The following PRH1 variants were observed in gnomAD, a reference collection of about 807,000 sequenced individuals.
The protein encoded by PRH1 is salivary acidic proline-rich phosphoprotein 1/2.
PRH1 carries 7 observed loss-of-function variants against 7.9 expected under a neutral mutation model. That is an observed-to-expected ratio of 0.89 (90% CI 0.50 to 1.67). The LOEUF (loss-of-function observed/expected upper bound fraction) is 1.67. Among genes scored for constraint, PRH1 ranks in the 40% most tolerant of loss-of-function variants. The probability of loss-of-function intolerance (pLI) is 0.00; values close to 1 mark genes in which losing one functional copy is unlikely to be tolerated. For missense variants in PRH1, 109 were observed against 223.6 expected (o/e 0.49, Z 3.27); for synonymous variants, 45 against 80.8 (o/e 0.56, Z 2.38).
intron 1 of PRH1, among the ~76,000 whole-genome samples, chr12:11,028,189 A>C (rs144720112): frequency 6.6e-6 from 1 of 152,336 alleles, no homozygotes; most frequent in East Asian, 1.9e-4. Flanking sequence ...GGACTGGATG[A>C]TGTAAGACAG....
intron 2 of PRH1, among the ~76,000 whole-genome samples, chr12:10,971,290 T>C (rs752726833): frequency 6.6e-6 from 1 of 152,220 alleles, no homozygotes; most frequent in Non-Finnish European, 1.5e-5. Context: ...GTATTAAAGA[T>C]ATATTTTTGA....
chr12:11,019,653 C>G (rs1263326527), intron 1 of PRH1, among the ~76,000 whole-genome samples: 3 of 152,266 alleles, frequency 2.0e-5, no homozygotes, highest in Non-Finnish European at 4.4e-5. Flanking sequence ...TATCATAATA[C>G]AAATATATCA....
chr12:11,133,202 T>G (rs1252768175), intron 1 of PRH1: 1 of 1,504,290 alleles, frequency 6.6e-7, no homozygotes, highest in South Asian at 1.4e-5. Flanking sequence ...TAGGTATACA[T>G]GTGGAAATTA....
At chr12:11,008,879 A>G (rs34292055) in intron 1 of PRH1, among the ~76,000 whole-genome samples, 46,025 of 151,602 alleles carry the variant, frequency 0.3, 8,797 homozygotes, top group East Asian at 0.73. Flanking sequence ...ATGCCTAGGT[A>G]TAGAATTATA....
intron 1 of PRH1, among the ~76,000 whole-genome samples, chr12:11,104,909 G>T (rs1156872909): frequency 2.0e-5 from 3 of 151,720 alleles, no homozygotes; most frequent in African/African-American, 7.3e-5. Flanking sequence ...TATTCAGAAT[G>T]TATGTTTACT....
intron 1 of PRH1, among the ~76,000 whole-genome samples, chr12:11,156,965 C>T (rs1180587233): frequency 6.6e-6 from 1 of 151,900 alleles, no homozygotes; most frequent in African/African-American, 2.4e-5. Flanking sequence ...CCTGCCTCAG[C>T]CTCCCGAGTA....
At chr12:11,105,794 A>G (rs1343213573) in intron 1 of PRH1, among the ~76,000 whole-genome samples, 2 of 152,316 alleles carry the variant, frequency 1.3e-5, no homozygotes, top group East Asian at 3.9e-4. Flanking sequence ...TCACCAAAGT[A>G]AATTTAATTT....
At chr12:11,030,944 AC>A in intron 1 of PRH1, 1 of 1,614,292 alleles carries the variant, frequency 6.2e-7, no homozygotes, top group Non-Finnish European at 8.5e-7. Flanking sequence ...CAACAGCATC[AC>A]CAGAATGACA....
intron 1 of PRH1, among the ~76,000 whole-genome samples, chr12:11,014,091 T>C (rs1027550516): frequency 2.0e-5 from 3 of 152,198 alleles, no homozygotes; most frequent in East Asian, 1.9e-4. Context: ...TAATGTGCTA[T>C]ATGCCAACAT....
rs1205935445 is a variant in PRH1 at position 10,922,868 on chromosome 12, C to A, written c.-58-38593G>T. Among the ~76,000 whole-genome samples the A allele has an allele frequency of 3.0e-3, 335 of 112,524 alleles. 2 individuals are homozygous for A. The highest frequency in any genetic ancestry group is 9.2e-3 in the African/African-American group (316 of 34,198). The allele number at this position is 112,524 out of a possible 152,430, so 73.8% of individuals were successfully genotyped here. ...ACGGAGTCTCGCTCTGTCGCCCAGG[C>A]CGGACTGCGGACTGCAGTGGCGCAA... On this transcript the variant is annotated intron_variant, in intron 2 of 3. Coordinates refer to the PRH1 transcript ENST00000539853.
intron 1 of PRH1, among the ~76,000 whole-genome samples, chr12:11,015,141 T>G: frequency 6.6e-6 from 1 of 152,170 alleles, no homozygotes; most frequent in East Asian, 1.9e-4. Flanking sequence ...CAAGCATGTG[T>G]ACAACTCCAG....
intron 1 of PRH1, among the ~76,000 whole-genome samples, chr12:11,040,087 T>G (rs1942644115): frequency 6.6e-6 from 1 of 152,226 alleles, no homozygotes; most frequent in African/African-American, 2.4e-5. Flanking sequence ...TGTAACTATT[T>G]TGGGTGACTT....
At chr12:11,116,171 C>A (rs1474926619), downstream of PRH1, among the ~76,000 whole-genome samples, 1 of 151,778 alleles carries the variant, frequency 6.6e-6, no homozygotes, top group Non-Finnish European at 1.5e-5. Context: ...AAAAAAAGAT[C>A]AAAATTAATA....
chr12:11,048,731 T>C (rs545930328), upstream of PRH1: 4 of 364,656 alleles, frequency 1.1e-5, no homozygotes, highest in African/African-American at 4.3e-5. Context: ...ACAGTCAAGT[T>C]TGAAAGCTGT....
At chr12:10,965,260 A>C (rs1348447413) in intron 2 of PRH1, 2 of 1,461,346 alleles carry the variant, frequency 1.4e-6, no homozygotes, top group Non-Finnish European at 1.9e-6. Context: ...ACTCAATGGA[A>C]TTTACCAACA....
At chr12:11,078,772 T>A (rs1305146049) in intron 1 of PRH1, 4 of 152,064 alleles carry the variant, frequency 2.6e-5, no homozygotes, top group Non-Finnish European at 5.9e-5. Flanking sequence ...ATGCCAGATT[T>A]AAATACCAGA....
At chr12:11,022,592 G>A (rs1379288362) in intron 1 of PRH1, 1 of 1,554,692 alleles carries the variant, frequency 6.4e-7, no homozygotes, top group Non-Finnish European at 8.7e-7. Context: ...ATAAAAAAAT[G>A]CAGGCTTAGT....
At chr12:11,062,207 C>T (rs1341764707) in intron 1 of PRH1, 16 of 1,613,276 alleles carry the variant, frequency 9.9e-6, no homozygotes, top group African/African-American at 2.7e-5. Context: ...ATGGAATTTA[C>T]CAATGCTATG....
intron 1 of PRH1, among the ~76,000 whole-genome samples, chr12:11,084,458 AAGG>A: frequency 6.9e-6 from 1 of 145,950 alleles, no homozygotes; most frequent in Admixed American, 6.9e-5. Flanking sequence ...GTATTCTGAT[AAGG>A]ATACAAATAC....
Sources: gnomAD v4.1 joint callset for allele counts (sites outside exome capture counted in the v4.1 genomes callset) on GRCh38, gnomAD v4.1.1 for gene constraint, MANE v1.5 for transcripts, NCBI Gene and HGNC (gene_info 2026-07-23, HGNC 2026-07-21) for gene names.